Variants in NPHP4 observed in about 807,000 individuals in gnomAD.
NPHP4 encodes nephrocystin 4.
Under a neutral mutation model 155.8 loss-of-function variants are expected in NPHP4, and 151 were observed. The ratio of observed to expected loss-of-function variants is 0.97; its 90% CI spans 0.85 to 1.11. NPHP4 has a LOEUF of 1.11. Ranked by LOEUF, NPHP4 falls within the 50% of genes least tolerant of loss-of-function variation. The probability of loss-of-function intolerance (pLI) is 0.00; values close to 1 mark genes in which losing one functional copy is unlikely to be tolerated. For missense variants in NPHP4, 1,956 were observed against 1,925.7 expected (o/e 1.02, Z -0.29); for synonymous variants, 845 against 816.8 (o/e 1.03, Z -0.59).
chr1:5,929,770 TTATTAA>T (rs917458933), intron 10 of NPHP4, among the ~76,000 whole-genome samples: 6 of 152,156 alleles, frequency 3.9e-5, no homozygotes, highest in African/African-American at 7.2e-5. Context: ...TTTCTTGTTA[TTATTAA>T]TATTATTTTT....
Position 5,890,932 on chromosome 1 carries a change from A to C in NPHP4, c.2240T>G (p.Leu747Arg). Residue 747 changes from leucine (L) to arginine (R), a missense_variant, in exon 17 of 30, where the codon CTG (leucine) becomes CGG (arginine). Coordinates refer to ENST00000378156, the MANE Select transcript of NPHP4 (RefSeq NM_015102.5). The surrounding 1 kb of genome is among the most constrained non-coding windows in gnomAD (Gnocchi z 4.9). ...GTCTCCGTCCCAGACGTCAATCTGC[A>C]GGGTCTGCACGGCCAGGTAGCGGGC... ...CFARYLAVQT[L>R]QIDVWDGDSL... 8.1e-6 allele frequency: 13 copies of C among 1,609,734 alleles called. No individual in the cohort carries two copies. Among genetic ancestry groups the C allele is most frequent in the Non-Finnish European group, 1.1e-5 (13 of 1,177,552 alleles).
chr1:5,864,491 C>A lies in NPHP4; in HGVS notation c.3843G>T (p.Leu1281=), dbSNP rs9662691. The A allele has an allele frequency of 1.5e-4, 240 of 1,591,752 alleles. No homozygotes were observed. The African/African-American group carries it at 2.8e-3, about 19-fold the overall frequency. ...GCAGGTCCTGCACCCCACGAGGCGG[C>A]AGCACGAAGACACCTTTGGGGTCTG... ...LKTDPKGVFV[L]PPRGVQDLHV... Residue 1281 remains leucine, a synonymous_variant, in exon 28 of 30, where the codon CTG becomes CTT. Coordinates refer to ENST00000378156, the MANE Select transcript of NPHP4 (RefSeq NM_015102.5).
chr1:5,920,134 G>C (rs1645668923), intron 11 of NPHP4, among the ~76,000 whole-genome samples: 1 of 152,146 alleles, frequency 6.6e-6, no homozygotes, highest in African/African-American at 2.4e-5. Context: ...GTTTCACCAT[G>C]TTAGCCAGGA....
At position 5,874,720 on chromosome 1, in the gene NPHP4, G is replaced by A. The variant is rs188098182; in HGVS notation, c.3045-63C>T. The A allele has an allele frequency of 4.6e-5, 71 of 1,558,206 alleles. No individual in the cohort carries two copies. In the East Asian group the frequency reaches 1.2e-3, roughly 26 times the overall value. On this transcript the variant is annotated intron_variant, in intron 21 of 29. Coordinates refer to ENST00000378156, the MANE Select transcript of NPHP4 (RefSeq NM_015102.5). ...CCCAGGAGGACCCACAGGAGGCTGC[G>A]GTCCCACCCACCGAGAGCGGTGCTC...
chr1:5,988,581 T>G (rs528533972), intron 1 of NPHP4, among the ~76,000 whole-genome samples: 21 of 152,386 alleles, frequency 1.4e-4, no homozygotes, highest in Admixed American at 3.3e-4. Flanking sequence ...TTGGTAGATA[T>G]AACTCACATA....
rs756001615 is a variant in NPHP4, at chr1:5,888,589, C to T, written c.2305-1123G>A. ...TTCCGGAACCTCAGTCACTGGGAGACTGAGAAGATATGAGAAGTCTCCTTT... is the reference window on the plus strand; with the variant it reads ...TTCCGGAACCTCAGTCACTGGGAGATTGAGAAGATATGAGAAGTCTCCTTT... On this transcript the variant is annotated intron_variant, in intron 17 of 29. Coordinates refer to ENST00000378156, the MANE Select transcript of NPHP4 (RefSeq NM_015102.5). 4.4e-6 allele frequency: 6 copies of T among 1,351,288 alleles called. No homozygotes were observed. The African/African-American group carries it at 5.9e-5, about 13-fold the overall frequency. 83.7% of individuals were successfully genotyped at this position (1,351,288 alleles called of 1,614,324 possible).
intron 9 of NPHP4, among the ~76,000 whole-genome samples, chr1:5,935,166 T>TC (rs1350294264): frequency 2.6e-5 from 4 of 152,236 alleles, no homozygotes; most frequent in Admixed American, 6.5e-5. Flanking sequence ...CCAGATGATA[T>TC]CCCATCCTGT....
intron 16 of NPHP4, 22 bp downstream of exon 16, chr1:5,904,595 T>G: frequency 6.4e-7 from 1 of 1,568,208 alleles, no homozygotes; most frequent in Non-Finnish European, 8.7e-7. Flanking sequence ...GTCTTGCCTT[T>G]GCCATGCACA....
At chr1:5,879,556 G>A (rs1642989320) in intron 19 of NPHP4, 1 of 518,812 alleles carries the variant, frequency 1.9e-6, no homozygotes, top group Non-Finnish European at 3.8e-6. Flanking sequence ...CCTTGCAGAT[G>A]AGCAGCCAAC....
chr1:5,982,238 C>T (rs1405853072), intron 2 of NPHP4, among the ~76,000 whole-genome samples: 5 of 152,026 alleles, frequency 3.3e-5, no homozygotes, highest in Admixed American at 6.6e-5. Context: ...AATGACATTT[C>T]GATCAGCAAC....
chr1:5,969,306 C>T (rs1321825919), intron 3 of NPHP4, 47 bp from the exon 4 acceptor site: 1 of 1,363,542 alleles, frequency 7.3e-7, no homozygotes, highest in South Asian at 1.5e-5. Flanking sequence ...AGGACACACA[C>T]AAAGAGGACA....
intron 9 of NPHP4, among the ~76,000 whole-genome samples, chr1:5,938,066 G>A (rs115320233): frequency 1.3e-3 from 203 of 152,336 alleles, no homozygotes; most frequent in African/African-American, 4.7e-3. Context: ...GCAACCAGCC[G>A]CACACGGCGG....
chr1:5,956,068 G>GC (rs924302413), intron 6 of NPHP4, among the ~76,000 whole-genome samples: 7 of 141,692 alleles, frequency 4.9e-5, no homozygotes, highest in African/African-American at 1.1e-4. Flanking sequence ...CTGGGGGGGG[G>GC]GGGTGCAGGG....
intron 2 of NPHP4, among the ~76,000 whole-genome samples, chr1:5,981,717 T>C (rs1379172991): frequency 6.6e-6 from 1 of 152,238 alleles, no homozygotes; most frequent in Non-Finnish European, 1.5e-5. Flanking sequence ...GAATTCTATT[T>C]ATCTTCTTTT....
intron 7 of NPHP4, among the ~76,000 whole-genome samples, chr1:5,952,093 G>C (rs1648194336): frequency 6.6e-6 from 1 of 152,174 alleles, no homozygotes. Context: ...CAACAGACAG[G>C]AACAGCAGGG....
intron 4 of NPHP4, among the ~76,000 whole-genome samples, chr1:5,968,045 A>C (rs952031361): frequency 6.6e-6 from 1 of 151,988 alleles, no homozygotes; most frequent in Non-Finnish European, 1.5e-5. Context: ...GTGCTGAATG[A>C]ACACCTACTG....
intron 16 of NPHP4, among the ~76,000 whole-genome samples, chr1:5,896,147 GA>G (rs1644385522): frequency 6.6e-6 from 1 of 152,244 alleles, no homozygotes; most frequent in Non-Finnish European, 1.5e-5. Flanking sequence ...GGGTCAGCCA[GA>G]AACGAAAAGT....
chr1:5,980,304 G>A (rs960010993), intron 2 of NPHP4, among the ~76,000 whole-genome samples: 6 of 152,196 alleles, frequency 3.9e-5, no homozygotes, highest in African/African-American at 9.6e-5. Flanking sequence ...CTCCTGATCC[G>A]CTGGCCTCAC....
chr1:5,867,166 G>T lies in NPHP4; in HGVS notation c.3473-51C>A. The T allele has an allele frequency of 7.2e-7, 1 of 1,396,754 alleles. No homozygotes were observed. Among genetic ancestry groups the T allele is most frequent in the Non-Finnish European group, 1.0e-6 (1 of 1,001,150 alleles). 86.5% of individuals were successfully genotyped at this position (1,396,754 alleles called of 1,614,324 possible). ...AGTCTTCTCCACAGCCCCAGCCTGT[G>T]TGGAGAAGGCCCCACACATTACACA... is the stretch of plus-strand genomic sequence containing the variant. On this transcript the variant is annotated intron_variant, in intron 24 of 29. Transcript: ENST00000378156. This position sits in a 1 kb window ranked among gnomAD's most constrained non-coding sequence, Gnocchi z 4.1.
Sources: allele counts gnomAD v4.1 joint callset (sites outside exome capture counted in the v4.1 genomes callset), GRCh38; gene constraint gnomAD v4.1.1; non-coding constraint Gnocchi (gnomAD v3.1); transcripts MANE v1.5; gene names NCBI Gene and HGNC (gene_info 2026-07-23, HGNC 2026-07-21).